The following PTK2 variants were observed in gnomAD, a reference collection of about 807,000 sequenced individuals.
The protein encoded by PTK2 is protein tyrosine kinase 2.
A neutral mutation model predicts 150.1 loss-of-function variants in PTK2; 45 were observed. The observed-to-expected ratio is 0.30, with a 90% CI of 0.24 to 0.38. The LOEUF (loss-of-function observed/expected upper bound fraction) is 0.38, where lower values mean the gene tolerates loss of function less well. Ranked by LOEUF, PTK2 falls within the 10% of genes least tolerant of loss-of-function variation. The pLI is 1.00. For synonymous variants in PTK2, 432 were observed against 449.2 expected (o/e 0.96, Z 0.48); for missense variants, 919 against 1,307.3 (o/e 0.70, Z 4.58).
At chr8:140,755,256 TAAAG>T (rs2100064948) in intron 16 of PTK2, among the ~76,000 whole-genome samples, 1 of 152,048 alleles carries the variant, frequency 6.6e-6, no homozygotes, top group African/African-American at 2.4e-5. Flanking sequence ...TCTTGCCTAA[TAAAG>T]AAAAAAATGT....
At chr8:140,766,128 C>G (rs1371581695) in intron 14 of PTK2, among the ~76,000 whole-genome samples, 1 of 152,172 alleles carries the variant, frequency 6.6e-6, no homozygotes, top group Non-Finnish European at 1.5e-5. Context: ...CCCAGCTGCC[C>G]TGTTATCCAA....
At chr8:140,902,126 C>A (rs1363581438) in intron 2 of PTK2, among the ~76,000 whole-genome samples, 1 of 151,936 alleles carries the variant, frequency 6.6e-6, no homozygotes, top group African/African-American at 2.4e-5. Flanking sequence ...CTCTGACCCC[C>A]GGGTTCCAGT....
chr8:140,872,099 C>G (rs1335289955), intron 4 of PTK2, among the ~76,000 whole-genome samples: 1 of 152,130 alleles, frequency 6.6e-6, no homozygotes, highest in Non-Finnish European at 1.5e-5. Flanking sequence ...CCCAGCTACT[C>G]AGTGACACTA....
chr8:140,928,222 A>G (rs2100170431), intron 1 of PTK2, among the ~76,000 whole-genome samples: 1 of 151,950 alleles, frequency 6.6e-6, no homozygotes, highest in African/African-American at 2.4e-5. Flanking sequence ...TGCTAATTCT[A>G]TCTAAAAATT....
chr8:140,951,868 G>C (rs2100179650), intron 1 of PTK2, among the ~76,000 whole-genome samples: 1 of 150,490 alleles, frequency 6.6e-6, no homozygotes, highest in Non-Finnish European at 1.5e-5. Context: ...CTGGGTGATG[G>C]AGCAAGACTC....
At chr8:140,875,454 G>A (rs1192452389) in intron 4 of PTK2, among the ~76,000 whole-genome samples, 1 of 152,108 alleles carries the variant, frequency 6.6e-6, no homozygotes, top group Non-Finnish European at 1.5e-5. Flanking sequence ...AAATCAAAAG[G>A]ACTGATGTCA....
chr8:140,855,087 G>T (rs1291273654), intron 5 of PTK2, among the ~76,000 whole-genome samples: 1 of 152,138 alleles, frequency 6.6e-6, no homozygotes, highest in African/African-American at 2.4e-5. Flanking sequence ...TCAAGCACAA[G>T]TGGTCCTTCA....
chr8:140,946,371 C>G (rs533250954), intron 1 of PTK2, among the ~76,000 whole-genome samples: 1 of 152,134 alleles, frequency 6.6e-6, no homozygotes, highest in African/African-American at 2.4e-5. Context: ...AAAAACTGTT[C>G]TAGAACTACA....
intron 22 of PTK2, 84 bp downstream of exon 25, chr8:140,735,167 T>C: frequency 1.5e-6 from 2 of 1,305,036 alleles, no homozygotes; most frequent in Non-Finnish European, 2.2e-6. Context: ...ACTGATATAA[T>C]GACCTTAAAA....
chr8:140,783,046 C>A (rs2100082786), intron 14 of PTK2, among the ~76,000 whole-genome samples: 1 of 151,864 alleles, frequency 6.6e-6, no homozygotes, highest in African/African-American at 2.4e-5. Context: ...TGAGACCAGC[C>A]TGGGCAACAT....
chr8:140,958,500 T>C (rs1453762673), intron 1 of PTK2, among the ~76,000 whole-genome samples: 1 of 152,164 alleles, frequency 6.6e-6, no homozygotes, highest in Non-Finnish European at 1.5e-5. Flanking sequence ...CTCATCGATT[T>C]TTCTTTTATG....
chr8:140,734,792 T>A (rs747752547), intron 22 of PTK2: 1 of 514,908 alleles, frequency 1.9e-6, no homozygotes, highest in Non-Finnish European at 3.9e-6. Flanking sequence ...TTCTGAAAAC[T>A]GAATAAAAGT....
At chr8:140,851,079 A>G (rs1348875408) in intron 5 of PTK2, among the ~76,000 whole-genome samples, 1 of 152,208 alleles carries the variant, frequency 6.6e-6, no homozygotes, top group Non-Finnish European at 1.5e-5. Context: ...AAAACTGACT[A>G]GGTTTACTTA....
intron 14 of PTK2, among the ~76,000 whole-genome samples, chr8:140,771,608 G>A (rs2100075541): frequency 6.6e-6 from 1 of 152,108 alleles, no homozygotes; most frequent in Non-Finnish European, 1.5e-5. Context: ...TACTCACGGG[G>A]TATCATAAAG....
intron 17 of PTK2, among the ~76,000 whole-genome samples, chr8:140,749,327 GTAAC>G (rs2100061363): frequency 6.6e-6 from 1 of 152,112 alleles, no homozygotes; most frequent in Non-Finnish European, 1.5e-5. Flanking sequence ...TTTACTGTAA[GTAAC>G]TATTTATTAT....
intron 8 of PTK2, among the ~76,000 whole-genome samples, chr8:140,829,699 G>A (rs546908793): frequency 1.4e-4 from 22 of 152,202 alleles, no homozygotes; most frequent in African/African-American, 5.1e-4. Context: ...GTTGCTATGT[G>A]ACAGGTACTG....
chr8:140,741,442 G>A (rs899439275), intron 20 of PTK2, among the ~76,000 whole-genome samples: 9 of 150,998 alleles, frequency 6.0e-5, no homozygotes, highest in Non-Finnish European at 1.2e-4. Context: ...GCGACAGAGT[G>A]AGACTCTGTC....
In PTK2 at chr8:140,890,944, C is replaced by T. The variant is rs568196118; in HGVS notation, c.-32-175G>A. 3.3e-5 allele frequency among the ~76,000 whole-genome samples: 5 copies of T among 151,844 alleles called. No individual in the cohort carries two copies. In the South Asian group the frequency reaches 1.0e-3, roughly 32 times the overall value. ...AAATAATAGCTGTCTCTCCCCATAC[C>T]CAGAGTAGGACCTGATTTACAGAAT... On this transcript the variant is annotated intron_variant, in intron 2 of 31. Coordinates refer to ENST00000522684, the Ensembl canonical transcript of PTK2.
intron 16 of PTK2, among the ~76,000 whole-genome samples, chr8:140,752,942 G>C (rs1335976939): frequency 6.6e-6 from 1 of 152,244 alleles, no homozygotes; most frequent in African/African-American, 2.4e-5. Context: ...AGATGACAGA[G>C]TCAGAGAGGA....
Sources: gnomAD v4.1 joint callset for allele counts (sites outside exome capture counted in the v4.1 genomes callset) on GRCh38, gnomAD v4.1.1 for gene constraint, MANE v1.5 for transcripts, NCBI Gene and HGNC (gene_info 2026-07-23, HGNC 2026-07-21) for gene names.